The following GRIK1 variants were observed in gnomAD, a reference collection of about 807,000 sequenced individuals.
The protein encoded by GRIK1 is glutamate ionotropic receptor kainate type subunit 1, also known as glutamate receptor ionotropic, kainate 1.
A neutral mutation model predicts 105.7 loss-of-function variants in GRIK1; 69 were observed. That is an observed-to-expected ratio of 0.65 (90% CI 0.54 to 0.80). GRIK1 has a LOEUF of 0.80. Among genes scored for constraint, GRIK1 ranks in the 30% least tolerant of loss-of-function variants. The pLI is 0.00. For synonymous variants in GRIK1, 438 were observed against 431.3 expected (o/e 1.02, Z -0.19); for missense variants, 1,109 against 1,167.3 (o/e 0.95, Z 0.73).
rs971949711 is a variant in GRIK1, at chr21:29,695,293, G to A, written c.119-1230C>T. On this transcript the variant is annotated intron_variant, in intron 1 of 17. Transcript: ENST00000327783. ...TATTAATAGACACAGGGCCTACAGTGGAAGCTTTCTTAACCCATCTCCATT... is the reference window on the plus strand; with the variant it reads ...TATTAATAGACACAGGGCCTACAGTAGAAGCTTTCTTAACCCATCTCCATT... Among the ~76,000 whole-genome samples, 16 of 152,072 alleles carry A rather than the reference G, an allele frequency of 1.1e-4. 1 individual carries two copies. The highest frequency in any genetic ancestry group is 3.9e-4 in the African/African-American group (16 of 41,404).
chr21:29,544,835 C>A (rs984895535), intron 16 of GRIK1, among the ~76,000 whole-genome samples: 2 of 152,210 alleles, frequency 1.3e-5, no homozygotes, highest in African/African-American at 2.4e-5. Context: ...GAGAAAAGTT[C>A]AATCAGGTGA....
intron 13 of GRIK1, among the ~76,000 whole-genome samples, chr21:29,578,539 T>C (rs1288882775): frequency 2.0e-5 from 3 of 152,192 alleles, no homozygotes; most frequent in Non-Finnish European, 4.4e-5. Flanking sequence ...TTAACGGATA[T>C]ATTCTCCTAA....
chr21:29,697,916 TTC>T (rs755237929), intron 1 of GRIK1, among the ~76,000 whole-genome samples: 18 of 132,562 alleles, frequency 1.4e-4, no homozygotes, highest in African/African-American at 2.9e-4. Flanking sequence ...CTTTCTTTCT[TTC>T]TCTCTCTCTC....
At chr21:29,623,576 T>C (rs2062056358) in intron 7 of GRIK1, among the ~76,000 whole-genome samples, 1 of 152,188 alleles carries the variant, frequency 6.6e-6, no homozygotes, top group African/African-American at 2.4e-5. Context: ...TTATCTTCCT[T>C]TACTTCTTCG....
At chr21:29,728,842 C>T (rs979495672) in intron 1 of GRIK1, among the ~76,000 whole-genome samples, 3 of 151,946 alleles carry the variant, frequency 2.0e-5, no homozygotes, top group Non-Finnish European at 1.5e-5. Context: ...CAGCTGGTAA[C>T]AAGAAATCAA....
intron 1 of GRIK1, among the ~76,000 whole-genome samples, chr21:29,883,202 G>T (rs1447953247): frequency 6.6e-6 from 1 of 152,010 alleles, no homozygotes; most frequent in Admixed American, 6.6e-5. Context: ...AAATGTATTT[G>T]TATATTCTAC....
At chr21:29,880,625 A>G (rs1354557710) in intron 1 of GRIK1, among the ~76,000 whole-genome samples, 1 of 152,162 alleles carries the variant, frequency 6.6e-6, no homozygotes, top group Non-Finnish European at 1.5e-5. Flanking sequence ...TTGTTGTTAA[A>G]TGTGCAGATT....
intron 1 of GRIK1, among the ~76,000 whole-genome samples, chr21:29,908,321 AT>A (rs540589262): frequency 1.3e-3 from 195 of 152,226 alleles, no homozygotes; most frequent in African/African-American, 4.5e-3. Context: ...ACCATCTTCC[AT>A]CTTCTACTGT....
chr21:29,888,371 C>T (rs2069757426), intron 1 of GRIK1, among the ~76,000 whole-genome samples: 1 of 150,156 alleles, frequency 6.7e-6, no homozygotes, highest in Non-Finnish European at 1.5e-5. Context: ...TTCAAGAGAT[C>T]CTCACCCCTA....
chr21:29,684,252 CTCTATCTATCTATCTATCTATCTA>C (rs59976698), intron 3 of GRIK1, among the ~76,000 whole-genome samples: 5 of 149,272 alleles, frequency 3.3e-5, no homozygotes, highest in Non-Finnish European at 5.9e-5. Context: ...AATCTATCAT[CTCTATCTATCTATCTATCTATCTA>C]TCTATCTATC....
chr21:29,719,469 A>G (rs1017045394), intron 1 of GRIK1, among the ~76,000 whole-genome samples: 2 of 152,170 alleles, frequency 1.3e-5, no homozygotes, highest in African/African-American at 4.8e-5. Context: ...CAGTTTCTAC[A>G]TTTCTTTGTA....
At chr21:29,543,288 A>T (rs9305398) in intron 16 of GRIK1, among the ~76,000 whole-genome samples, 1 of 151,884 alleles carries the variant, frequency 6.6e-6, no homozygotes, top group African/African-American at 2.4e-5. Context: ...TTTAAGGAAT[A>T]GGAACAGAAG....
At chr21:29,598,038 T>C (rs558288718) in intron 8 of GRIK1, among the ~76,000 whole-genome samples, 1 of 152,316 alleles carries the variant, frequency 6.6e-6, no homozygotes, top group African/African-American at 2.4e-5. Context: ...GAGTTTTCTG[T>C]TGAGGTGATT....
chr21:29,867,972 A>AGG (rs10638009), intron 1 of GRIK1, among the ~76,000 whole-genome samples: 2 of 114,382 alleles, frequency 1.7e-5, no homozygotes, highest in Admixed American at 9.8e-5. Flanking sequence ...GAGAGAGAAA[A>AGG]AGAGAGAAAA....
chr21:29,709,390 C>T (rs2063992064), intron 1 of GRIK1, among the ~76,000 whole-genome samples: 1 of 150,922 alleles, frequency 6.6e-6, no homozygotes, highest in African/African-American at 2.4e-5. Context: ...AAGCAATTCT[C>T]CTGTCTCAGC....
chr21:29,803,940 G>T (rs770938781), intron 1 of GRIK1, among the ~76,000 whole-genome samples: 1 of 151,990 alleles, frequency 6.6e-6, no homozygotes, highest in Non-Finnish European at 1.5e-5. Flanking sequence ...TTCTATCATG[G>T]AATGTAAGGA....
chr21:29,808,774 C>T (rs151188997), intron 1 of GRIK1, among the ~76,000 whole-genome samples: 1 of 152,120 alleles, frequency 6.6e-6, no homozygotes, highest in Non-Finnish European at 1.5e-5. Flanking sequence ...GCCAGCCCTT[C>T]CAATGCCCCC....
At chr21:29,653,828 T>A (rs760235095) in intron 5 of GRIK1, among the ~76,000 whole-genome samples, 5 of 152,204 alleles carry the variant, frequency 3.3e-5, no homozygotes, top group Non-Finnish European at 7.3e-5. Flanking sequence ...ATTTCTACCC[T>A]GTACCCACTT....
chr21:29,899,734 T>C (rs1246356654), intron 1 of GRIK1, among the ~76,000 whole-genome samples: 1 of 152,086 alleles, frequency 6.6e-6, no homozygotes, highest in African/African-American at 2.4e-5. Context: ...TGGCATGTAC[T>C]CTATGCTCCT....
Sources: gnomAD v4.1 joint callset for allele counts (sites outside exome capture counted in the v4.1 genomes callset) on GRCh38, gnomAD v4.1.1 for gene constraint, MANE v1.5 for transcripts, NCBI Gene and HGNC (gene_info 2026-07-23, HGNC 2026-07-21) for gene names.